The following DPY19L3 variants were observed in gnomAD, a reference collection of about 807,000 sequenced individuals.
The protein encoded by DPY19L3 is protein C-mannosyl-transferase DPY19L3.
A neutral mutation model predicts 92.3 loss-of-function variants in DPY19L3; 51 were observed. The observed-to-expected ratio is 0.55, with a 90% CI of 0.44 to 0.70. DPY19L3 has a LOEUF of 0.70. DPY19L3 is among the 30% of genes least tolerant of loss of function. The pLI is 0.00. For synonymous variants in DPY19L3, 309 were observed against 315.2 expected, an observed-to-expected ratio of 0.98 and a Z score of 0.21; for missense variants, 706 against 855.9, an observed-to-expected ratio of 0.82 and a Z score of 2.18.
At chr19:32,426,494 G>A (rs1968769519) in intron 3 of DPY19L3, among the ~76,000 whole-genome samples, 1 of 152,164 alleles carries the variant, frequency 6.6e-6, no homozygotes, top group Non-Finnish European at 1.5e-5. Context: ...ATCATCTCTA[G>A]CTTTCCATTT....
intron 3 of DPY19L3, among the ~76,000 whole-genome samples, chr19:32,415,735 G>C (rs778403419): frequency 6.6e-6 from 1 of 152,170 alleles, no homozygotes; most frequent in Non-Finnish European, 1.5e-5. Flanking sequence ...TATTCAGTGA[G>C]TATCTTCTGT....
At position 32,485,867 on chromosome 19, in the gene DPY19L3, C is replaced by A. The variant is rs1970784389; in HGVS notation, c.*3627C>A. Reference sequence around the variant, plus strand: ...ACTGAATTGTATGGAGATTGTATACCAAGTAAAGCTCTTTTAAATTACATA... The same window carrying A: ...ACTGAATTGTATGGAGATTGTATACAAAGTAAAGCTCTTTTAAATTACATA... On this transcript the variant is annotated 3_prime_UTR_variant, in exon 19 of 19. Transcript: ENST00000392250. The A allele has an allele frequency of 6.6e-6, 1 of 152,076 alleles. No individual in the cohort carries two copies. The highest frequency in any genetic ancestry group is 6.6e-5 in the Admixed American group (1 of 15,266). 9.4% of individuals were successfully genotyped at this position (152,076 alleles called of 1,614,324 possible).
chr19:32,468,390 A>G (rs1970258439), intron 15 of DPY19L3: 1 of 1,018,700 alleles, frequency 9.8e-7, no homozygotes, highest in South Asian at 4.0e-5. Flanking sequence ...GAACTTTCTC[A>G]TGGTTGGCAT....
At chr19:32,424,920 T>G (rs1240502856) in intron 3 of DPY19L3, among the ~76,000 whole-genome samples, 1 of 152,164 alleles carries the variant, frequency 6.6e-6, no homozygotes, top group South Asian at 2.1e-4. Context: ...AATACAGACA[T>G]AAATCCTTAG....
At chr19:32,457,087 A>G (rs374864045) in intron 10 of DPY19L3, among the ~76,000 whole-genome samples, 4 of 152,334 alleles carry the variant, frequency 2.6e-5, no homozygotes, top group African/African-American at 7.2e-5. Context: ...GGCCCACTCT[A>G]CACATTCAGT....
chr19:32,426,583 CAG>C (rs1205639114), intron 3 of DPY19L3, among the ~76,000 whole-genome samples: 15 of 152,240 alleles, frequency 9.9e-5, no homozygotes, highest in Admixed American at 5.2e-4. Flanking sequence ...TATTGTGTCT[CAG>C]GGAGCAGAGA....
chr19:32,435,826 A>AT (rs1329904782), intron 4 of DPY19L3, among the ~76,000 whole-genome samples: 2 of 152,218 alleles, frequency 1.3e-5, no homozygotes, highest in Non-Finnish European at 2.9e-5. Context: ...GTGGCTGTGG[A>AT]TCTCTGTAAC....
intron 3 of DPY19L3, chr19:32,428,017 G>A (rs921034011): frequency 1.4e-5 from 2 of 145,532 alleles, no homozygotes; most frequent in African/African-American, 5.1e-5. Context: ...CATCACCCAG[G>A]CTGGAGTGCA....
chr19:32,468,309 C>T, intron 15 of DPY19L3: 1 of 988,544 alleles, frequency 1.0e-6, no homozygotes, highest in Non-Finnish European at 1.2e-6. Context: ...GCTCTGTCTT[C>T]TACAGGATAC....
intron 18 of DPY19L3, 63 bp from the exon 19 acceptor site, chr19:32,482,016 C>T (rs1383564420): frequency 1.9e-6 from 3 of 1,570,130 alleles, no homozygotes; most frequent in Middle Eastern, 1.7e-4. Context: ...CATTCCTGCT[C>T]CTACTGTCTT....
intron 15 of DPY19L3, among the ~76,000 whole-genome samples, chr19:32,466,885 T>C (rs186488588): frequency 6.6e-6 from 1 of 152,348 alleles, no homozygotes; most frequent in Admixed American, 6.5e-5. Flanking sequence ...TATGAGGGGT[T>C]ACCCTGAAAC....
rs1224259747 is a variant in DPY19L3, at chr19:32,468,079, T to C, written c.1615-652T>C. ...GTACAAAAATACAATCATGCTATTT[T>C]GAAATGAAAAGGGGGCTGGATTTGG... On this transcript the variant is annotated intron_variant, in intron 15 of 18. Coordinates refer to ENST00000392250, the MANE Select transcript of DPY19L3 (RefSeq NM_001172774.2). The C allele has an allele frequency of 7.1e-6, 7 of 985,142 alleles. No homozygotes were observed. The African/African-American group carries it at 1.2e-4, about 17-fold the overall frequency. 61.0% of individuals were successfully genotyped at this position (985,142 alleles called of 1,614,324 possible).
intron 3 of DPY19L3, among the ~76,000 whole-genome samples, chr19:32,424,499 C>T (rs1487925734): frequency 6.6e-6 from 1 of 151,726 alleles, no homozygotes; most frequent in Admixed American, 6.6e-5. Context: ...GGCTTGGTGG[C>T]ACACAGCTTA....
chr19:32,479,987 G>A (rs34821880), intron 17 of DPY19L3, among the ~76,000 whole-genome samples: 21,219 of 152,250 alleles, frequency 0.14, 1,915 homozygotes, highest in East Asian at 0.45. Flanking sequence ...ATTGGGACGT[G>A]TGTCCCTCAG....
intron 10 of DPY19L3, 41 bp downstream of exon 10, chr19:32,455,081 A>T: frequency 4.0e-6 from 5 of 1,240,774 alleles, no homozygotes; most frequent in Non-Finnish European, 5.6e-6. Flanking sequence ...ATTTTTAATT[A>T]ACTTATGGCA....
At chr19:32,422,613 ACAAT>A (rs909608083) in intron 3 of DPY19L3, among the ~76,000 whole-genome samples, 5 of 137,616 alleles carry the variant, frequency 3.6e-5, no homozygotes, top group African/African-American at 1.4e-4. Flanking sequence ...GAGAACGAGA[ACAAT>A]AAATCAGGAA....
chr19:32,480,710 C>T (rs1970648404), intron 18 of DPY19L3, 153 bp downstream of exon 18: 2 of 1,074,020 alleles, frequency 1.9e-6, no homozygotes, highest in Non-Finnish European at 2.6e-6. Flanking sequence ...TACAGAAGCC[C>T]TCTCTTGGCA....
chr19:32,454,653 C>T (rs1001331509), intron 9 of DPY19L3, among the ~76,000 whole-genome samples: 5 of 152,052 alleles, frequency 3.3e-5, no homozygotes, highest in African/African-American at 4.8e-5. Context: ...TGGCAGACCC[C>T]AATCCTCCTG....
chr19:32,478,241 C>T (rs145315162), intron 17 of DPY19L3, among the ~76,000 whole-genome samples: 95 of 152,326 alleles, frequency 6.2e-4, no homozygotes, highest in African/African-American at 2.2e-3. Flanking sequence ...AGGTCGGGAC[C>T]TCTGCCTGCC....
Sources: allele counts gnomAD v4.1 joint callset (sites outside exome capture counted in the v4.1 genomes callset), GRCh38; gene constraint gnomAD v4.1.1; transcripts MANE v1.5; gene names NCBI Gene and HGNC (gene_info 2026-07-23, HGNC 2026-07-21).